Variants in TEAD1 observed in about 807,000 individuals in gnomAD.
TEAD1 encodes transcriptional enhancer factor TEF-1.
In TEAD1, 9 loss-of-function variants were observed where a neutral mutation model predicts 54.9. The ratio of observed to expected loss-of-function variants is 0.16; its 90% CI spans 0.10 to 0.29. TEAD1 has a LOEUF of 0.29. Among genes scored for constraint, TEAD1 ranks in the 10% least tolerant of loss-of-function variants. The pLI, the probability that TEAD1 is intolerant of heterozygous loss-of-function variation, is 1.00. For missense variants in TEAD1, 387 were observed against 535.9 expected (o/e 0.72, Z 2.74); for synonymous variants, 200 against 187.8 (o/e 1.07, Z -0.53).
intron 3 of TEAD1, among the ~76,000 whole-genome samples, chr11:12,812,372 C>T (rs1034870658): frequency 4.6e-5 from 7 of 152,022 alleles, no homozygotes; most frequent in African/African-American, 1.7e-4. Flanking sequence ...TTATTAGAAT[C>T]CCAAAAAGGT....
chr11:12,755,070 A>G (rs1342569838), intron 2 of TEAD1, among the ~76,000 whole-genome samples: 1 of 152,214 alleles, frequency 6.6e-6, no homozygotes, highest in Non-Finnish European at 1.5e-5. Context: ...CAGTGCCAAC[A>G]TATCATTTAA....
At chr11:12,738,052 G>A (rs1944572697) in intron 2 of TEAD1, among the ~76,000 whole-genome samples, 1 of 152,046 alleles carries the variant, frequency 6.6e-6, no homozygotes, top group African/African-American at 2.4e-5. Context: ...CACAAGAACA[G>A]TATGGGGGAA....
intron 3 of TEAD1, among the ~76,000 whole-genome samples, chr11:12,774,560 C>T (rs968613645): frequency 5.9e-5 from 9 of 152,122 alleles, no homozygotes; most frequent in African/African-American, 2.2e-4. Flanking sequence ...CCAAATTCTT[C>T]AGTTGGTCCA....
At chr11:12,811,139 T>A (rs1564948181) in intron 3 of TEAD1, among the ~76,000 whole-genome samples, 1 of 152,226 alleles carries the variant, frequency 6.6e-6, no homozygotes, top group African/African-American at 2.4e-5. Context: ...GGATGGTGCC[T>A]GACCAGTCAC....
chr11:12,741,297 A>G (rs1021761839), intron 2 of TEAD1, among the ~76,000 whole-genome samples: 2 of 152,004 alleles, frequency 1.3e-5, no homozygotes, highest in African/African-American at 4.8e-5. Flanking sequence ...TTTATAATCT[A>G]CATCTTTCTG....
At chr11:12,716,541 G>C (rs1303213149) in intron 2 of TEAD1, among the ~76,000 whole-genome samples, 1 of 152,018 alleles carries the variant, frequency 6.6e-6, no homozygotes, top group Non-Finnish European at 1.5e-5. Flanking sequence ...CTTAGTCAGG[G>C]GTCAGAAAAC....
At chr11:12,747,801 G>T (rs2133901564) in intron 2 of TEAD1, among the ~76,000 whole-genome samples, 1 of 152,272 alleles carries the variant, frequency 6.6e-6, no homozygotes, top group South Asian at 2.1e-4. Context: ...TTTACATCAG[G>T]TGGCTAATAA....
intron 9 of TEAD1, among the ~76,000 whole-genome samples, chr11:12,885,642 C>T (rs917910718): frequency 9.9e-5 from 15 of 152,112 alleles, no homozygotes; most frequent in African/African-American, 3.6e-4. Context: ...CAAAAGTCCC[C>T]ACATGATTTT....
chr11:12,862,617 C>T (rs973802916), intron 4 of TEAD1, among the ~76,000 whole-genome samples: 2 of 152,142 alleles, frequency 1.3e-5, no homozygotes, highest in Non-Finnish European at 2.9e-5. Context: ...AAAATGTGCA[C>T]CTGTGAACAC....
At chr11:12,925,239 G>C (rs935619732) in intron 11 of TEAD1, among the ~76,000 whole-genome samples, 187 bp downstream of exon 11, 2 of 152,184 alleles carry the variant, frequency 1.3e-5, no homozygotes, top group Non-Finnish European at 2.9e-5. Context: ...ATGTTTCATT[G>C]ACTCACAGTT....
chr11:12,812,529 T>A (rs1418163723), intron 3 of TEAD1, among the ~76,000 whole-genome samples: 1 of 152,152 alleles, frequency 6.6e-6, no homozygotes, highest in African/African-American at 2.4e-5. Context: ...AGGGACAGAT[T>A]CACATTGACA....
chr11:12,763,726 G>C (rs1945147720), intron 2 of TEAD1, among the ~76,000 whole-genome samples: 1 of 152,178 alleles, frequency 6.6e-6, no homozygotes, highest in South Asian at 2.1e-4. Flanking sequence ...TACTTGTTCT[G>C]CTTTGGAGAT....
intron 6 of TEAD1, among the ~76,000 whole-genome samples, chr11:12,880,542 G>A (rs755110905): frequency 2.0e-5 from 3 of 152,146 alleles, no homozygotes; most frequent in African/African-American, 4.8e-5. Context: ...AGGGAAGCTC[G>A]CTGCAGAGAA....
chr11:12,836,503 C>A (rs1042308415), intron 3 of TEAD1, among the ~76,000 whole-genome samples: 11 of 152,092 alleles, frequency 7.2e-5, no homozygotes, highest in African/African-American at 1.7e-4. Flanking sequence ...TTCAACTAGA[C>A]TGCTTCCTCC....
At chr11:12,792,152 T>C (rs1458822294) in intron 3 of TEAD1, among the ~76,000 whole-genome samples, 1 of 152,104 alleles carries the variant, frequency 6.6e-6, no homozygotes, top group East Asian at 1.9e-4. Flanking sequence ...GAAAGTTGTT[T>C]GGTGAGTACC....
chr11:12,832,074 A>G (rs903079962), intron 3 of TEAD1, among the ~76,000 whole-genome samples: 9 of 152,126 alleles, frequency 5.9e-5, no homozygotes, highest in African/African-American at 1.4e-4. Flanking sequence ...CTGACTCCCA[A>G]TAAACCACAC....
intron 9 of TEAD1, among the ~76,000 whole-genome samples, chr11:12,896,232 C>T (rs1447040673): frequency 2.0e-5 from 3 of 152,210 alleles, no homozygotes; most frequent in African/African-American, 7.2e-5. Flanking sequence ...AACTCATACT[C>T]TTCTCCAGAT....
chr11:12,911,608 T>C (rs1452312146), intron 10 of TEAD1, among the ~76,000 whole-genome samples: 1 of 152,020 alleles, frequency 6.6e-6, no homozygotes, highest in Admixed American at 6.6e-5. Flanking sequence ...TAGTGAGAAG[T>C]ATCACGATAT....
intron 2 of TEAD1, among the ~76,000 whole-genome samples, chr11:12,749,583 A>G (rs1162178198): frequency 6.6e-6 from 1 of 152,160 alleles, no homozygotes; most frequent in Non-Finnish European, 1.5e-5. Context: ...GAGGGCTCAC[A>G]GCACCCTGGG....
Sources: gnomAD v4.1 joint callset for allele counts (sites outside exome capture counted in the v4.1 genomes callset) on GRCh38, gnomAD v4.1.1 for gene constraint, MANE v1.5 for transcripts, NCBI Gene and HGNC (gene_info 2026-07-23, HGNC 2026-07-21) for gene names.